Variants in HDAC9 observed in about 807,000 individuals in gnomAD.
HDAC9 encodes MEF-2 interacting transcription repressor (MITR) protein.
Under a neutral mutation model 139.4 loss-of-function variants are expected in HDAC9, and 41 were observed. That is an observed-to-expected ratio of 0.29 (90% CI 0.23 to 0.38). The LOEUF is 0.38. Ranked by LOEUF, HDAC9 falls within the 10% of genes least tolerant of loss-of-function variation. The pLI is 1.00. For missense variants in HDAC9, 1,147 were observed against 1,297.0 expected, an observed-to-expected ratio of 0.88 and a Z score of 1.78; for synonymous variants, 517 against 476.2, an observed-to-expected ratio of 1.09 and a Z score of -1.12.
chr7:18,608,264 A>G (rs2254993), intron 6 of HDAC9, among the ~76,000 whole-genome samples: 133,627 of 152,074 alleles, frequency 0.88, 58,772 homozygotes, highest in South Asian at 0.96. Flanking sequence ...AGTGTTCTTT[A>G]TGGCAAAGAA....
At chr7:18,722,945 A>C (rs1785248929) in intron 12 of HDAC9, among the ~76,000 whole-genome samples, 1 of 152,150 alleles carries the variant, frequency 6.6e-6, no homozygotes, top group Admixed American at 6.5e-5. Flanking sequence ...ATTTTTTTTA[A>C]TTACAGTTTT....
chr7:18,911,878 T>G (rs78234739), intron 22 of HDAC9, among the ~76,000 whole-genome samples: 7,702 of 152,146 alleles, frequency 0.051, 260 homozygotes, highest in South Asian at 0.13. Context: ...ATGATTTCAA[T>G]TTTTAAAAAT....
At chr7:18,309,633 C>G (rs1027894584) in intron 1 of HDAC9, among the ~76,000 whole-genome samples, 1 of 152,066 alleles carries the variant, frequency 6.6e-6, no homozygotes, top group Non-Finnish European at 1.5e-5. Flanking sequence ...GGGACTGTTT[C>G]CAAACAGGGA....
intron 22 of HDAC9, among the ~76,000 whole-genome samples, chr7:18,920,613 A>T (rs1244688974): frequency 3.3e-5 from 5 of 152,134 alleles, no homozygotes; most frequent in East Asian, 3.9e-4. Flanking sequence ...CCATTCAGTA[A>T]GATATTGGCT....
chr7:18,241,921 T>C (rs1299223568), intron 2 of HDAC9, among the ~76,000 whole-genome samples: 1 of 152,170 alleles, frequency 6.6e-6, no homozygotes, highest in Admixed American at 6.5e-5. Context: ...TGTCTAGGGA[T>C]TGGGCTGCTT....
intron 1 of HDAC9, among the ~76,000 whole-genome samples, chr7:18,371,634 G>T (rs1464297699): frequency 6.6e-6 from 1 of 152,026 alleles, no homozygotes; most frequent in Non-Finnish European, 1.5e-5. Flanking sequence ...AGAAACAATG[G>T]GTGAATTATT....
upstream of HDAC9, among the ~76,000 whole-genome samples, chr7:18,492,279 G>A (rs1275319911): frequency 6.6e-6 from 1 of 151,896 alleles, no homozygotes; most frequent in Non-Finnish European, 1.5e-5. Context: ...GTGGGATTGT[G>A]TCTTTCAGGA....
chr7:18,594,458 T>TTAAA (rs1283691082), intron 6 of HDAC9, among the ~76,000 whole-genome samples: 4 of 152,064 alleles, frequency 2.6e-5, no homozygotes, highest in Non-Finnish European at 5.9e-5. Context: ...TTTACAAACC[T>TTAAA]TAAATTTTAA....
chr7:18,089,209 AT>A (rs11463784), intron 1 of HDAC9, among the ~76,000 whole-genome samples: 29 of 149,408 alleles, frequency 1.9e-4, no homozygotes, highest in Middle Eastern at 3.4e-3. Context: ...TAGGAGACAG[AT>A]TTTTTTTTTT....
At chr7:18,889,007 T>C (rs997920383) in intron 22 of HDAC9, among the ~76,000 whole-genome samples, 1 of 152,208 alleles carries the variant, frequency 6.6e-6, no homozygotes, top group Non-Finnish European at 1.5e-5. Context: ...AACAATTGAC[T>C]ATCTGTGGCG....
At chr7:18,749,516 G>C (rs572490223) in intron 14 of HDAC9, among the ~76,000 whole-genome samples, 41 of 152,190 alleles carry the variant, frequency 2.7e-4, no homozygotes, top group Non-Finnish European at 4.0e-4. Context: ...TGCCAATTTT[G>C]CCACATGGAA....
intron 2 of HDAC9, among the ~76,000 whole-genome samples, chr7:18,574,723 G>A (rs1045995793): frequency 6.6e-6 from 1 of 152,252 alleles, no homozygotes; most frequent in Non-Finnish European, 1.5e-5. Context: ...GGGGGCTGGC[G>A]TGTCAGTGCT....
intron 21 of HDAC9, among the ~76,000 whole-genome samples, chr7:18,858,024 T>A (rs1249243201): frequency 2.6e-5 from 4 of 152,220 alleles, no homozygotes; most frequent in Non-Finnish European, 5.9e-5. Flanking sequence ...AAATTAGTTT[T>A]CAAATGTTTA....
At chr7:18,254,791 T>C (rs936984112) in intron 2 of HDAC9, among the ~76,000 whole-genome samples, 4 of 152,204 alleles carry the variant, frequency 2.6e-5, no homozygotes, top group African/African-American at 9.7e-5. Context: ...TTTGATATGA[T>C]TTTTTAAGTG....
chr7:18,331,753 T>C (rs1800942525), intron 1 of HDAC9, among the ~76,000 whole-genome samples: 1 of 151,612 alleles, frequency 6.6e-6, no homozygotes, highest in Admixed American at 6.6e-5. Context: ...CTGCTACAAG[T>C]TTGTTGGAGA....
At chr7:18,758,296 C>G (rs111779161) in intron 14 of HDAC9, among the ~76,000 whole-genome samples, 1 of 152,206 alleles carries the variant, frequency 6.6e-6, no homozygotes, top group African/African-American at 2.4e-5. Context: ...GATAACTTTA[C>G]GTAGATATCC....
chr7:18,907,659 T>A (rs1009975269), intron 22 of HDAC9, among the ~76,000 whole-genome samples: 1 of 152,212 alleles, frequency 6.6e-6, no homozygotes, highest in Non-Finnish European at 1.5e-5. Context: ...CCTATAATCC[T>A]CTGTATCATA....
intron 1 of HDAC9, among the ~76,000 whole-genome samples, chr7:18,402,865 T>A (rs1787673567): frequency 1.3e-5 from 2 of 152,072 alleles, no homozygotes; most frequent in South Asian, 4.2e-4. Flanking sequence ...AGAGAAAATT[T>A]TGGGTGGCAT....
At chr7:18,392,630 T>C (rs549649531) in intron 1 of HDAC9, among the ~76,000 whole-genome samples, 33 of 152,256 alleles carry the variant, frequency 2.2e-4, no homozygotes, top group African/African-American at 6.5e-4. Context: ...GGTAAGAGAT[T>C]GACCTCTGTG....
Sources: allele counts gnomAD v4.1 joint callset (sites outside exome capture counted in the v4.1 genomes callset), GRCh38; gene constraint gnomAD v4.1.1; transcripts MANE v1.5; gene names NCBI Gene and HGNC (gene_info 2026-07-23, HGNC 2026-07-21).